The following RBM4 variants were observed in gnomAD, a reference collection of about 807,000 sequenced individuals.
RBM4 encodes the protein RNA binding motif protein 4, also known as RNA-binding protein 4.
In RBM4, 7 loss-of-function variants were observed where a neutral mutation model predicts 29.5. The ratio of observed to expected loss-of-function variants is 0.24; its 90% confidence interval spans 0.14 to 0.45. The LOEUF (loss-of-function observed/expected upper bound fraction) is 0.45, where lower values mean the gene tolerates loss of function less well. Among genes scored for constraint, RBM4 ranks in the 20% least tolerant of loss-of-function variants. The probability of loss-of-function intolerance (pLI) is 1.00; values close to 1 mark genes in which losing one functional copy is unlikely to be tolerated. For missense variants in RBM4, 387 were observed against 502.3 expected (o/e 0.77, Z 2.19); for synonymous variants, 220 against 205.4 (o/e 1.07, Z -0.61).
chr11:66,654,032 ATTAC>A (rs1330567187), intron 2 of RBM4, among the ~76,000 whole-genome samples: 6 of 151,950 alleles, frequency 3.9e-5, no homozygotes, highest in Non-Finnish European at 4.4e-5. Flanking sequence ...CTCTAAAAAT[ATTAC>A]TTATTTTAGA....
At chr11:66,642,565 CA>C (rs1938514300) in intron 2 of RBM4, among the ~76,000 whole-genome samples, 1 of 152,166 alleles carries the variant, frequency 6.6e-6, no homozygotes, top group African/African-American at 2.4e-5. Flanking sequence ...GTTACGCTCT[CA>C]GATATGTAGT....
chr11:66,639,845 A>G lies in RBM4; in HGVS notation c.134A>G (p.Lys45Arg), dbSNP rs1338502423. ...KNYGFVHIED[K>R]TAAEDAIRNL... is the part of the protein sequence containing the mutation. Reference sequence around the variant, plus strand: ...TACGGCTTTGTGCACATAGAAGACAAGACGGCAGCTGAGGATGCCATACGC... The same window carrying G: ...TACGGCTTTGTGCACATAGAAGACAGGACGGCAGCTGAGGATGCCATACGC... The change falls in exon 2 of 4, where the codon AAG becomes AGG. Residue 45 changes from lysine to arginine, a missense_variant. Transcript: ENST00000310092. 4 of 1,614,076 alleles carry G rather than the reference A, an allele frequency of 2.5e-6. No homozygotes were observed. Among genetic ancestry groups the G allele is most frequent in the Non-Finnish European group, 3.4e-6 (4 of 1,180,052 alleles).
downstream of RBM4, among the ~76,000 whole-genome samples, chr11:66,650,214 G>A (rs749660732): frequency 9.9e-5 from 15 of 152,206 alleles, no homozygotes; most frequent in Admixed American, 5.2e-4. Flanking sequence ...AAGGACCTGT[G>A]AGGGCAGTTT....
intron 2 of RBM4, among the ~76,000 whole-genome samples, chr11:66,656,496 C>T (rs1356711987): frequency 6.6e-6 from 1 of 152,080 alleles, no homozygotes; most frequent in African/African-American, 2.4e-5. Context: ...AGACTGGTCT[C>T]GAACTCCCAG....
At chr11:66,642,272 C>A (rs1373379785) in intron 2 of RBM4, among the ~76,000 whole-genome samples, 1 of 152,182 alleles carries the variant, frequency 6.6e-6, no homozygotes, top group South Asian at 2.1e-4. Context: ...TGTTGACTCT[C>A]CCTTGCTTTT....
rs1938935041 is a variant in RBM4, at chr11:66,655,617, T to C, written c.413-10239T>C. The stretch of plus-strand genomic sequence containing the variant: ...AAAAAAGTGAGATTTGAGCAATGAG[T>C]TGAATTAGATGTAAGTTAGCAACAG... On this transcript the variant is annotated intron_variant, in intron 2 of 2. Transcript: ENST00000396053. Among the ~76,000 whole-genome samples the C allele has an allele frequency of 2.0e-5, 3 of 152,052 alleles. No homozygotes were observed. The South Asian group carries it at 6.2e-4, about 32-fold the overall frequency.
chr11:66,649,862 A>C (rs936827141), downstream of RBM4: 1 of 614,190 alleles, frequency 1.6e-6, no homozygotes, highest in Non-Finnish European at 2.9e-6. Context: ...ACTATATGTG[A>C]GCCACTGCGT....
intron 2 of RBM4, among the ~76,000 whole-genome samples, chr11:66,656,015 G>C (rs770775752): frequency 1.3e-5 from 2 of 151,958 alleles, no homozygotes; most frequent in Admixed American, 6.6e-5. Context: ...TTGTTGCCCA[G>C]GCTGGAGTGC....
intron 1 of RBM4, 155 bp from the exon 2 acceptor site, chr11:66,639,545 T>G: frequency 1.0e-6 from 1 of 972,588 alleles, no homozygotes; most frequent in Non-Finnish European, 1.5e-6. Flanking sequence ...CAGGCCTTAG[T>G]TCACTCCCAC....
downstream of RBM4, chr11:66,649,735 G>C: frequency 1.4e-6 from 1 of 701,418 alleles, no homozygotes; most frequent in Non-Finnish European, 2.6e-6. Flanking sequence ...TTGTTTTTTA[G>C]ACATCCAGCT....
chr11:66,657,217 C>T (rs75992577), intron 2 of RBM4, among the ~76,000 whole-genome samples: 103 of 147,990 alleles, frequency 7.0e-4, no homozygotes, highest in East Asian at 1.2e-3. Flanking sequence ...TGAGCTGAAG[C>T]GGTCTTCCCA....
In RBM4 at chr11:66,639,949, T is replaced by C; in HGVS notation, c.238T>C (p.Leu80=). The C allele has an allele frequency of 6.2e-7, 1 of 1,614,178 alleles. No homozygotes were observed. The highest frequency in any genetic ancestry group is 1.1e-5 in the South Asian group (1 of 91,078). ...SKNKSKTSTK[L]HVGNISPTCT... ...GAATAAGAGCAAAACCTCAACAAAG[T>C]TGCATGTGGGCAACATCAGTCCCAC... The change falls in exon 2 of 4, where the codon TTG becomes CTG. Residue 80 remains leucine, a synonymous_variant. Transcript: ENST00000310092.
chr11:66,642,026 C>T (rs919427834), intron 2 of RBM4, among the ~76,000 whole-genome samples: 2 of 152,164 alleles, frequency 1.3e-5, no homozygotes, highest in Non-Finnish European at 2.9e-5. Context: ...GCCAAAGTGG[C>T]CCCCTGGGCA....
At chr11:66,664,011 T>C (rs537503987) in intron 2 of RBM4, among the ~76,000 whole-genome samples, 1 of 151,888 alleles carries the variant, frequency 6.6e-6, no homozygotes, top group African/African-American at 2.4e-5. Flanking sequence ...CTAACCTAAA[T>C]CCTTTTTTGT....
chr11:66,641,058 T>A (rs539553815), intron 2 of RBM4: 1 of 152,322 alleles, frequency 6.6e-6, no homozygotes, highest in Admixed American at 6.5e-5. Context: ...GTGGTGATCA[T>A]GGTGAGTTGC....
downstream of RBM4, chr11:66,649,993 TCC>T: frequency 2.0e-6 from 1 of 511,844 alleles, no homozygotes; most frequent in South Asian, 3.0e-5. Context: ...CGCTAGGTAC[TCC>T]CTGATTACCT....
At position 66,646,131 on chromosome 11, in the gene RBM4, C is replaced by T; in HGVS notation, c.*113C>T. 4 of 1,533,094 alleles carry T rather than the reference C, an allele frequency of 2.6e-6. No individual in the cohort carries two copies. The highest frequency in any genetic ancestry group is 3.5e-6 in the Non-Finnish European group (4 of 1,145,640). 95.0% of individuals were successfully genotyped at this position (1,533,094 alleles called of 1,614,324 possible). A position where few individuals can be genotyped will look rare whatever the true frequency, so the allele number is the denominator to read the frequency against. ...GTTCTCGGCTCTGTGCGTTCAGTCC[C>T]TCAGGAACCGTGGACCTTAATTTAC... On this transcript the variant is annotated 3_prime_UTR_variant, in exon 4 of 4. Coordinates refer to ENST00000310092, the MANE Select transcript of RBM4 (RefSeq NM_002896.4).
Position 66,644,074 on chromosome 11 carries a change from A to ACATGGCC in RBM4, c.1039_1045dup (p.Arg349HisfsTer5), listed in dbSNP as rs1447656723. 6.2e-7 allele frequency: 1 copy of ACATGGCC among 1,614,000 alleles called. No homozygotes were observed. The highest frequency in any genetic ancestry group is 8.5e-7 in the Non-Finnish European group (1 of 1,180,014). ...GCAGCCGCGCGGAATTCTCTGTACG[A>ACATGGCC]CATGGCCCGGTATGAGCGGGAGCAG... On this transcript the variant is annotated frameshift_variant, in exon 3 of 4. Coordinates refer to ENST00000310092, the MANE Select transcript of RBM4 (RefSeq NM_002896.4). LOFTEE classifies it high-confidence loss of function.
intron 1 of RBM4, chr11:66,639,439 T>G: frequency 2.0e-6 from 1 of 497,152 alleles, no homozygotes; most frequent in Non-Finnish European, 3.5e-6. Context: ...CCATTTCTGT[T>G]GGAAGGTATC....
Sources: gnomAD v4.1 joint callset for allele counts (sites outside exome capture counted in the v4.1 genomes callset) on GRCh38, gnomAD v4.1.1 for gene constraint, MANE v1.5 for transcripts, NCBI Gene and HGNC (gene_info 2026-07-23, HGNC 2026-07-21) for gene names.